The following PTPRD variants were observed in gnomAD, a reference collection of about 807,000 sequenced individuals.
PTPRD encodes protein tyrosine phosphatase receptor type D.
In PTPRD, 34 loss-of-function variants were observed where a neutral mutation model predicts 214.5. The observed-to-expected ratio is 0.16, with a 90% CI of 0.12 to 0.21. The LOEUF (loss-of-function observed/expected upper bound fraction) is 0.21. Among genes scored for constraint, PTPRD ranks in the 10% least tolerant of loss-of-function variants. The pLI, the probability that PTPRD is intolerant of heterozygous loss-of-function variation, is 1.00. For synonymous variants in PTPRD, 1,128 were observed against 845.7 expected, an observed-to-expected ratio of 1.33 and a Z score of -5.79; for missense variants, 2,545 against 2,398.7, an observed-to-expected ratio of 1.06 and a Z score of -1.27.
At chr9:10,331,329 G>A (rs2096746470) in intron 3 of PTPRD, among the ~76,000 whole-genome samples, 1 of 151,790 alleles carries the variant, frequency 6.6e-6, no homozygotes, top group Non-Finnish European at 1.5e-5. Flanking sequence ...GCATTGAGAA[G>A]ACTATTAATA....
intron 2 of PTPRD, among the ~76,000 whole-genome samples, chr9:10,361,019 G>A (rs7861546): frequency 0.4 from 60,261 of 151,970 alleles, 15,224 homozygotes; most frequent in African/African-American, 0.72. Context: ...GGAGAATGGC[G>A]TGAACACGGG....
In PTPRD at chr9:8,749,921, G is replaced by A. The variant is rs191768724; in HGVS notation, c.-103-15975C>T. Reference sequence around the variant, plus strand: ...GTTCAAGACCAGCCTGGCCAACATGGTGAAACCCCATCTCTCCTAAAAATA... The same window carrying A: ...GTTCAAGACCAGCCTGGCCAACATGATGAAACCCCATCTCTCCTAAAAATA... On this transcript the variant is annotated intron_variant, in intron 11 of 45. Transcript: ENST00000381196. Among the ~76,000 whole-genome samples, 361 of 152,050 alleles carry A rather than the reference G, an allele frequency of 2.4e-3. 1 individual carries two copies. Among genetic ancestry groups the A allele is most frequent in the African/African-American group, 7.7e-3 (318 of 41,520 alleles).
At chr9:10,397,831 C>T (rs998635840) in intron 2 of PTPRD, among the ~76,000 whole-genome samples, 1 of 151,860 alleles carries the variant, frequency 6.6e-6, no homozygotes, top group African/African-American at 2.4e-5. Flanking sequence ...TATAGTCTAG[C>T]TGTATAGTAG....
chr9:10,393,674 T>C (rs1434682332), intron 2 of PTPRD, among the ~76,000 whole-genome samples: 3 of 147,154 alleles, frequency 2.0e-5, no homozygotes, highest in African/African-American at 7.4e-5. Context: ...AGAGACACTC[T>C]ATTGGGTCTT....
intron 18 of PTPRD, among the ~76,000 whole-genome samples, chr9:8,523,944 G>C (rs1226647104): frequency 6.6e-6 from 1 of 152,108 alleles, no homozygotes; most frequent in South Asian, 2.1e-4. Flanking sequence ...TCAAAATCAA[G>C]CTAGGTATTT....
At chr9:9,532,920 A>G (rs1056323140) in intron 8 of PTPRD, among the ~76,000 whole-genome samples, 1 of 152,146 alleles carries the variant, frequency 6.6e-6, no homozygotes, top group East Asian at 1.9e-4. Flanking sequence ...GGACTATTTA[A>G]AAATTTTGGT....
At chr9:10,033,573 A>G (rs889695852) in intron 4 of PTPRD, 145 bp downstream of exon 4, 14 of 152,088 alleles carry the variant, frequency 9.2e-5, no homozygotes, top group African/African-American at 3.4e-4. Flanking sequence ...TCATATTATA[A>G]TTATTTTTAA....
At chr9:8,763,736 G>A (rs151242150) in intron 11 of PTPRD, among the ~76,000 whole-genome samples, 1,989 of 149,930 alleles carry the variant, frequency 0.013, 51 homozygotes, top group Admixed American at 0.058. Context: ...AAAGTTTTTC[G>A]TTTTCTAGAA....
rs375753164 is a variant in PTPRD at position 10,039,918 on chromosome 9, T to C, written c.-544-6128A>G. ...ATGATTTAAAATTTGAGCTTCACAA[T>C]TTTAATTATTCTAATTTCTAAGGAA... On this transcript the variant is annotated intron_variant, in intron 3 of 45. Coordinates refer to ENST00000381196, the MANE Select transcript of PTPRD (RefSeq NM_002839.4). Among the ~76,000 whole-genome samples, 3 of 152,188 alleles carry C rather than the reference T, an allele frequency of 2.0e-5. No individual in the cohort carries two copies. The East Asian group carries it at 5.8e-4, about 29-fold the overall frequency.
intron 2 of PTPRD, among the ~76,000 whole-genome samples, chr9:10,606,626 A>C (rs1225465534): frequency 6.6e-6 from 1 of 151,666 alleles, no homozygotes; most frequent in Non-Finnish European, 1.5e-5. Flanking sequence ...TGTGGTATAA[A>C]GAAGCTATAT....
intron 7 of PTPRD, among the ~76,000 whole-genome samples, chr9:9,694,065 G>T (rs370923275): frequency 9.8e-5 from 15 of 152,294 alleles, no homozygotes; most frequent in South Asian, 6.2e-4. Flanking sequence ...TGCCTCAAAG[G>T]TTATATAGCT....
At chr9:10,331,502 T>C (rs1356757833) in intron 3 of PTPRD, among the ~76,000 whole-genome samples, 1 of 151,786 alleles carries the variant, frequency 6.6e-6, no homozygotes, top group Non-Finnish European at 1.5e-5. Flanking sequence ...TTAACTAGTC[T>C]TGAAGTGGTT....
chr9:8,655,994 C>T (rs1446984085), intron 12 of PTPRD, among the ~76,000 whole-genome samples: 1 of 152,252 alleles, frequency 6.6e-6, no homozygotes. Flanking sequence ...ACCTATCAGA[C>T]AAGACTTTTT....
intron 3 of PTPRD, among the ~76,000 whole-genome samples, chr9:10,294,629 G>A (rs1200177708): frequency 6.6e-6 from 1 of 151,860 alleles, no homozygotes; most frequent in Non-Finnish European, 1.5e-5. Flanking sequence ...AATATTTATA[G>A]TTGGAAAAGA....
intron 3 of PTPRD, among the ~76,000 whole-genome samples, chr9:10,272,022 G>C (rs908742817): frequency 6.6e-6 from 1 of 151,822 alleles, no homozygotes; most frequent in Non-Finnish European, 1.5e-5. Context: ...TATATTCACA[G>C]AGTTTTGAAA....
chr9:8,759,029 TG>T (rs1449852677), intron 11 of PTPRD, among the ~76,000 whole-genome samples: 1 of 148,380 alleles, frequency 6.7e-6, no homozygotes, highest in Admixed American at 6.6e-5. Flanking sequence ...TCTTTGGTTT[TG>T]GGTTTTTTTT....
chr9:9,879,224 A>C (rs2067847102), intron 5 of PTPRD, among the ~76,000 whole-genome samples: 1 of 152,184 alleles, frequency 6.6e-6, no homozygotes, highest in Non-Finnish European at 1.5e-5. Context: ...AAGGTTTTTC[A>C]ACCTCCTTAG....
intron 3 of PTPRD, among the ~76,000 whole-genome samples, chr9:10,143,372 C>T (rs2099000806): frequency 6.6e-6 from 1 of 151,992 alleles, no homozygotes; most frequent in Non-Finnish European, 1.5e-5. Flanking sequence ...CATCTTACAC[C>T]AGTTAGAATG....
intron 6 of PTPRD, among the ~76,000 whole-genome samples, chr9:9,740,561 C>A (rs1227668958): frequency 2.6e-5 from 4 of 152,010 alleles, no homozygotes; most frequent in Non-Finnish European, 4.4e-5. Context: ...CGGGGTTTCA[C>A]CGTGTTAGCC....
Sources: gnomAD v4.1 joint callset for allele counts (sites outside exome capture counted in the v4.1 genomes callset) on GRCh38, gnomAD v4.1.1 for gene constraint, MANE v1.5 for transcripts, NCBI Gene and HGNC (gene_info 2026-07-23, HGNC 2026-07-21) for gene names.